HERC4: variants seen among roughly 807,000 people sequenced by gnomAD.
HERC4 encodes the protein HECT and RLD domain containing E3 ubiquitin protein ligase 4, also known as probable E3 ubiquitin-protein ligase HERC4.
In HERC4, 28 loss-of-function variants were observed where a neutral mutation model predicts 124.3. The observed-to-expected ratio is 0.23, with a 90% CI of 0.17 to 0.31. HERC4 has a LOEUF of 0.31. Ranked by LOEUF, HERC4 falls within the 10% of genes least tolerant of loss-of-function variation. HERC4 has a pLI of 1.00. For synonymous variants in HERC4, 407 were observed against 421.5 expected, an observed-to-expected ratio of 0.97 and a Z score of 0.42; for missense variants, 713 against 1,229.3, an observed-to-expected ratio of 0.58 and a Z score of 6.28.
chr10:68,019,377 T>C (rs1206408269), intron 8 of HERC4, among the ~76,000 whole-genome samples: 1 of 152,124 alleles, frequency 6.6e-6, no homozygotes, highest in East Asian at 1.9e-4. Context: ...GGTGTCTATA[T>C]AGTGTTTAGT....
intron 2 of HERC4, among the ~76,000 whole-genome samples, chr10:68,073,453 G>A (rs2041665769): frequency 6.6e-6 from 1 of 152,012 alleles, no homozygotes; most frequent in Non-Finnish European, 1.5e-5. Context: ...TGGTTATCTT[G>A]TGATAGACTA....
chr10:67,972,031 T>C (rs144498659), intron 15 of HERC4, among the ~76,000 whole-genome samples: 69 of 151,662 alleles, frequency 4.5e-4, no homozygotes, highest in African/African-American at 1.5e-3. Flanking sequence ...CTGGCCAATA[T>C]GGTGAAACCC....
chr10:68,032,926 T>C (rs1401421036), intron 6 of HERC4, 57 bp from the exon 7 acceptor site: 4 of 889,082 alleles, frequency 4.5e-6, no homozygotes, highest in Admixed American at 1.7e-5. Context: ...CTCATCTAGA[T>C]GTGTTTCCTC....
At chr10:68,041,470 A>G (rs1407675436) in intron 4 of HERC4, among the ~76,000 whole-genome samples, 3 of 152,186 alleles carry the variant, frequency 2.0e-5, no homozygotes, top group Non-Finnish European at 4.4e-5. Flanking sequence ...ATTGTAATAT[A>G]TCTTAAAATG....
At chr10:67,933,619 A>T (rs563303011) in intron 22 of HERC4, among the ~76,000 whole-genome samples, 1 of 152,140 alleles carries the variant, frequency 6.6e-6, no homozygotes, top group Non-Finnish European at 1.5e-5. Flanking sequence ...GTTTTTTTTT[A>T]AAACAAGGAT....
chr10:67,934,860 T>TTCTC (rs1354125344), intron 22 of HERC4, among the ~76,000 whole-genome samples: 1 of 152,024 alleles, frequency 6.6e-6, no homozygotes, highest in East Asian at 1.9e-4. Flanking sequence ...TTTTTTCCAC[T>TTCTC]TCTCGTGCTT....
intron 23 of HERC4, among the ~76,000 whole-genome samples, chr10:67,926,714 G>A (rs926485020): frequency 6.6e-6 from 1 of 152,076 alleles, no homozygotes; most frequent in Non-Finnish European, 1.5e-5. Context: ...AATGTTTTGG[G>A]CCCTGGGAAA....
intron 9 of HERC4, among the ~76,000 whole-genome samples, chr10:68,002,866 C>T (rs2037312578): frequency 6.6e-6 from 1 of 151,954 alleles, no homozygotes; most frequent in Non-Finnish European, 1.5e-5. Context: ...TCCCAAAGTG[C>T]TGGGATTACA....
At chr10:67,926,668 T>C (rs969298941) in intron 23 of HERC4, among the ~76,000 whole-genome samples, 3 of 152,220 alleles carry the variant, frequency 2.0e-5, no homozygotes, top group Admixed American at 2.0e-4. Flanking sequence ...AATTCATTCA[T>C]TGATTCATCC....
intron 4 of HERC4, chr10:68,040,532 C>T (rs2039708824): frequency 1.1e-5 from 7 of 619,602 alleles, no homozygotes; most frequent in Non-Finnish European, 1.4e-5. Context: ...TCCCCTTTGT[C>T]ACATAAAAAA....
chr10:68,022,062 T>A (rs1451208057), intron 8 of HERC4, among the ~76,000 whole-genome samples: 2 of 152,124 alleles, frequency 1.3e-5, no homozygotes, highest in Non-Finnish European at 2.9e-5. Flanking sequence ...ATAAAATTCT[T>A]AGGAATTAAC....
intron 23 of HERC4, among the ~76,000 whole-genome samples, chr10:67,926,527 T>C (rs970161392): frequency 6.6e-6 from 1 of 152,234 alleles, no homozygotes; most frequent in Non-Finnish European, 1.5e-5. Context: ...TGGCTTTAAC[T>C]TTCAGTTCTT....
At chr10:68,061,532 C>CAAAAA (rs59169970) in intron 3 of HERC4, among the ~76,000 whole-genome samples, 1 of 13,990 alleles carries the variant, frequency 7.1e-5, no homozygotes, top group East Asian at 1.8e-3. Flanking sequence ...GACTCCGTCT[C>CAAAAA]AAAAAAAAAA....
At chr10:68,025,706 G>C (rs186555767) in intron 7 of HERC4, 30 bp from the exon 8 acceptor site, 137 of 1,579,756 alleles carry the variant, frequency 8.7e-5, no homozygotes, top group African/African-American at 8.6e-4. Context: ...CTTATCATTA[G>C]AAGGCATGAT....
intron 9 of HERC4, 195 bp from the exon 10 acceptor site, chr10:67,992,877 C>T (rs183200515): frequency 2.2e-6 from 1 of 449,434 alleles, no homozygotes; most frequent in African/African-American, 2.0e-5. Flanking sequence ...ATTAAACGAT[C>T]CCACAAGCAT....
intron 15 of HERC4, among the ~76,000 whole-genome samples, chr10:67,983,496 A>T (rs1398351133): frequency 6.6e-6 from 1 of 151,978 alleles, no homozygotes; most frequent in African/African-American, 2.4e-5. Context: ...GTGAATGAAT[A>T]AGGCCGGGTG....
chr10:68,067,416 A>C (rs944740923), intron 3 of HERC4, among the ~76,000 whole-genome samples: 2 of 152,204 alleles, frequency 1.3e-5, no homozygotes, highest in South Asian at 4.1e-4. Flanking sequence ...CTTCCTTAGA[A>C]GGTATTGTGA....
chr10:67,960,312 T>C (rs911606900), intron 16 of HERC4, among the ~76,000 whole-genome samples: 1 of 152,216 alleles, frequency 6.6e-6, no homozygotes, highest in Non-Finnish European at 1.5e-5. Flanking sequence ...TTTCCCAGAC[T>C]CTGCCCTGTG....
At chr10:67,997,871 C>T (rs1160509413) in intron 9 of HERC4, among the ~76,000 whole-genome samples, 5 of 152,072 alleles carry the variant, frequency 3.3e-5, no homozygotes, top group Non-Finnish European at 7.4e-5. Context: ...TTTGCAGATT[C>T]AATCAACCAT....
Sources: gnomAD v4.1 joint callset for allele counts (sites outside exome capture counted in the v4.1 genomes callset) on GRCh38, gnomAD v4.1.1 for gene constraint, MANE v1.5 for transcripts, NCBI Gene and HGNC (gene_info 2026-07-23, HGNC 2026-07-21) for gene names.